ARL9: variants seen among roughly 807,000 people sequenced by gnomAD.
The protein encoded by ARL9 is ADP-ribosylation factor-like protein 9.
ARL9 carries 14 observed loss-of-function variants against 27.0 expected under a neutral mutation model. The observed-to-expected ratio is 0.52, with a 90% CI of 0.34 to 0.81. The LOEUF (loss-of-function observed/expected upper bound fraction) is 0.81, where lower values mean the gene tolerates loss of function less well. Ranked by LOEUF, ARL9 falls within the 30% of genes least tolerant of loss-of-function variation. ARL9 has a pLI of 0.01. For missense variants in ARL9, 294 were observed against 290.0 expected (o/e 1.01, Z -0.10); for synonymous variants, 106 against 108.7 (o/e 0.98, Z 0.15).
At chr4:56,506,242 G>T in intron 1 of ARL9, 101 bp downstream of exon 1, 1 of 1,134,520 alleles carries the variant, frequency 8.8e-7, no homozygotes, top group Admixed American at 4.2e-5. Context: ...GACCGCGTGG[G>T]AGCGAATGGA....
chr4:56,516,844 G>A (rs925730943), intron 2 of ARL9, among the ~76,000 whole-genome samples: 1 of 152,218 alleles, frequency 6.6e-6, no homozygotes, highest in African/African-American at 2.4e-5. Flanking sequence ...AAGGAGGATC[G>A]CTTGAGCCCA....
chr4:56,523,634 G>A (rs1037034505), intron 3 of ARL9, 63 bp from the exon 4 acceptor site: 1 of 1,365,754 alleles, frequency 7.3e-7, no homozygotes, highest in Non-Finnish European at 1.0e-6. Flanking sequence ...TAATAAATGT[G>A]TTTATCTGAA....
chr4:56,506,785 G>GTTTTTTTT (rs199942666), intron 1 of ARL9: 6 of 249,376 alleles, frequency 2.4e-5, no homozygotes, highest in African/African-American at 2.0e-4. Flanking sequence ...GATTAACACA[G>GTTTTTTTT]TTGTGTGTGT....
At chr4:56,518,496 C>T (rs956775632) in intron 2 of ARL9, among the ~76,000 whole-genome samples, 182 bp from the exon 3 acceptor site, 1 of 152,142 alleles carries the variant, frequency 6.6e-6, no homozygotes, top group African/African-American at 2.4e-5. Flanking sequence ...TTCTTCTCAC[C>T]AACCAGTTTA....
intron 2 of ARL9, among the ~76,000 whole-genome samples, chr4:56,511,598 A>G (rs762242165): frequency 6.6e-6 from 1 of 152,204 alleles, no homozygotes; most frequent in Non-Finnish European, 1.5e-5. Context: ...ACTCACTCCT[A>G]TAATCTCCTG....
chr4:56,506,798 G>A (rs77827272), intron 1 of ARL9: 21,578 of 210,578 alleles, frequency 0.1, 2,400 homozygotes, highest in Admixed American at 0.22. Flanking sequence ...GTGTGTGTGT[G>A]TGTGTGTGTG....
chr4:56,517,916 G>C (rs1721809013), intron 2 of ARL9, among the ~76,000 whole-genome samples: 1 of 152,078 alleles, frequency 6.6e-6, no homozygotes, highest in Non-Finnish European at 1.5e-5. Context: ...AATGAATTCA[G>C]TTCATTTAAA....
At chr4:56,510,187 G>A (rs112709462) in intron 1 of ARL9, among the ~76,000 whole-genome samples, 4,980 of 151,398 alleles carry the variant, frequency 0.033, 250 homozygotes, top group African/African-American at 0.11. Flanking sequence ...GTGAAACCTC[G>A]TCTGTAGTAA....
chr4:56,517,195 T>A (rs991254209), intron 2 of ARL9, among the ~76,000 whole-genome samples: 4 of 152,216 alleles, frequency 2.6e-5, no homozygotes, highest in Non-Finnish European at 5.9e-5. Context: ...AAACTATGTG[T>A]GTTAAAACCA....
chr4:56,523,557 C>T, intron 3 of ARL9, 140 bp from the exon 4 acceptor site: 2 of 629,506 alleles, frequency 3.2e-6, no homozygotes, highest in South Asian at 4.7e-5. Flanking sequence ...CCTCTGGGCT[C>T]ATAATAATGG....
chr4:56,511,242 C>G lies in ARL9; in HGVS notation c.337C>G (p.Leu113Val), dbSNP rs765479472. ...GGATGGAGCAGGAAAAACCAGTGTC[C>G]TGCACTCTCTAGCTTCAAACAGAGT... The part of the protein sequence containing the change: ...GLDGAGKTSV[L>V]HSLASNRVQH... Residue 113 changes from leucine to valine, a missense_variant, in exon 2 of 4, where the codon CTG becomes GTG. Transcript: ENST00000640821. 6.2e-7 allele frequency: 1 copy of G among 1,613,498 alleles called. No individual in the cohort carries two copies. Among genetic ancestry groups the G allele is most frequent in the South Asian group, 1.1e-5 (1 of 90,996 alleles).
At chr4:56,517,294 G>C (rs1721792392) in intron 2 of ARL9, among the ~76,000 whole-genome samples, 2 of 152,134 alleles carry the variant, frequency 1.3e-5, no homozygotes, top group South Asian at 4.1e-4. Flanking sequence ...GGAAGCCAAA[G>C]GAAAGGCAAA....
At chr4:56,514,992 G>A (rs1721731357) in intron 2 of ARL9, among the ~76,000 whole-genome samples, 1 of 152,198 alleles carries the variant, frequency 6.6e-6, no homozygotes, top group South Asian at 2.1e-4. Flanking sequence ...GCTTATGCCT[G>A]TAACTCCAGC....
intron 2 of ARL9, among the ~76,000 whole-genome samples, chr4:56,515,336 A>G (rs1721740766): frequency 6.6e-6 from 1 of 152,166 alleles, no homozygotes; most frequent in Non-Finnish European, 1.5e-5. Flanking sequence ...AATCACCTTA[A>G]TATAAGCAGA....
chr4:56,518,610 C>T (rs1721828781), intron 2 of ARL9, 68 bp from the exon 3 acceptor site: 2 of 1,422,852 alleles, frequency 1.4e-6, no homozygotes, highest in African/African-American at 1.4e-5. Context: ...TGTGCCCTCC[C>T]TGCTCCCTGG....
chr4:56,515,511 T>A (rs1178025540), intron 2 of ARL9, among the ~76,000 whole-genome samples: 2 of 152,064 alleles, frequency 1.3e-5, no homozygotes, highest in African/African-American at 2.4e-5. Flanking sequence ...GAGGGTCTAG[T>A]CAGTTTGAGA....
chr4:56,511,389 T>C (rs1721633983), intron 2 of ARL9, 42 bp downstream of exon 2: 1 of 1,509,052 alleles, frequency 6.6e-7, no homozygotes, highest in Non-Finnish European at 9.1e-7. Flanking sequence ...CCACATTTTA[T>C]TGTCTCTTAA....
intron 1 of ARL9, chr4:56,506,796 G>A (rs12650433): frequency 0.14 from 25,878 of 180,102 alleles, 2,598 homozygotes; most frequent in African/African-American, 0.18. Flanking sequence ...TTGTGTGTGT[G>A]TGTGTGTGTG....
rs1721732712 is a variant in ARL9, at chr4:56,515,051, A to C, written c.443-3627A>C. On this transcript the variant is annotated intron_variant, in intron 2 of 3. Transcript: ENST00000640821. Reference sequence around the variant, plus strand: ...ATCACTCACCTAAAGTCAGGAGTTCAAGATCAACCTGGCCCAACATGGTGA... The same window carrying C: ...ATCACTCACCTAAAGTCAGGAGTTCCAGATCAACCTGGCCCAACATGGTGA... 2.0e-5 allele frequency among the ~76,000 whole-genome samples: 3 copies of C among 152,108 alleles called. No individual in the cohort carries two copies. In the South Asian group the frequency reaches 6.2e-4, roughly 32 times the overall value.
Sources: gnomAD v4.1 joint callset for allele counts (sites outside exome capture counted in the v4.1 genomes callset) on GRCh38, gnomAD v4.1.1 for gene constraint, MANE v1.5 for transcripts, NCBI Gene and HGNC (gene_info 2026-07-23, HGNC 2026-07-21) for gene names.